The following TTC29 variants were observed in gnomAD, a reference collection of about 807,000 sequenced individuals.
TTC29 encodes the protein tetratricopeptide repeat protein 29.
TTC29 carries 49 observed loss-of-function variants against 58.1 expected under a neutral mutation model. That is an observed-to-expected ratio of 0.84 (90% CI 0.67 to 1.07). The LOEUF (loss-of-function observed/expected upper bound fraction) is 1.07, where lower values mean the gene tolerates loss of function less well. Among genes scored for constraint, TTC29 ranks in the 50% least tolerant of loss-of-function variants. The probability of loss-of-function intolerance (pLI) is 0.00; values close to 1 mark genes in which losing one functional copy is unlikely to be tolerated. For synonymous variants in TTC29, 209 were observed against 196.8 expected (o/e 1.06, Z -0.52); for missense variants, 582 against 555.6 (o/e 1.05, Z -0.48).
chr4:146,784,514 T>C (rs997500869), intron 11 of TTC29, among the ~76,000 whole-genome samples: 1 of 151,484 alleles, frequency 6.6e-6, no homozygotes, highest in African/African-American at 2.4e-5. Flanking sequence ...CTTTGGGAGG[T>C]GATTAGATTA....
At chr4:146,820,804 G>A (rs1751761429) in intron 9 of TTC29, among the ~76,000 whole-genome samples, 1 of 152,132 alleles carries the variant, frequency 6.6e-6, no homozygotes, top group South Asian at 2.1e-4. Context: ...AGGCCCAGGT[G>A]GGCGGATCAC....
intron 8 of TTC29, among the ~76,000 whole-genome samples, chr4:146,859,443 G>GA (rs1303845069): frequency 1.3e-5 from 2 of 151,918 alleles, no homozygotes; most frequent in Non-Finnish European, 2.9e-5. Flanking sequence ...TATAGTGTAA[G>GA]AAAATCTAAA....
chr4:146,787,733 A>T (rs1318096473), intron 11 of TTC29, among the ~76,000 whole-genome samples: 2 of 152,128 alleles, frequency 1.3e-5, no homozygotes, highest in Non-Finnish European at 2.9e-5. Flanking sequence ...TATTGATTGG[A>T]GTATAATGTC....
intron 4 of TTC29, among the ~76,000 whole-genome samples, chr4:146,914,185 T>C (rs989223255): frequency 2.6e-5 from 4 of 152,034 alleles, no homozygotes; most frequent in African/African-American, 7.2e-5. Flanking sequence ...AAATCGGCTA[T>C]CTAAAAAAAA....
At chr4:146,750,118 C>T (rs958114524) in intron 11 of TTC29, among the ~76,000 whole-genome samples, 9 of 152,132 alleles carry the variant, frequency 5.9e-5, no homozygotes, top group South Asian at 2.1e-4. Flanking sequence ...CGCCATTCTC[C>T]TGCCTCAGCC....
At chr4:146,734,783 A>C (rs1047342158) in intron 11 of TTC29, among the ~76,000 whole-genome samples, 3 of 152,056 alleles carry the variant, frequency 2.0e-5, no homozygotes, top group African/African-American at 7.2e-5. Flanking sequence ...TCCTGAAACA[A>C]TTGGTGGCAG....
In TTC29 at chr4:146,744,507, A is replaced by G. The variant is rs1292490965; in HGVS notation, c.1331-36956T>C. On this transcript the variant is annotated intron_variant, in intron 11 of 12. Transcript: ENST00000325106. ...CCTCAAATATGGATCTTCCAGGATA[A>G]AAAGAGATTCATTTAGTAAATGCCT... 2.6e-5 allele frequency among the ~76,000 whole-genome samples: 4 copies of G among 152,318 alleles called. No individual in the cohort carries two copies. In the East Asian group the frequency reaches 7.7e-4, roughly 29 times the overall value.
chr4:146,865,204 C>A (rs1730486670), intron 8 of TTC29, among the ~76,000 whole-genome samples: 1 of 152,170 alleles, frequency 6.6e-6, no homozygotes, highest in Non-Finnish European at 1.5e-5. Flanking sequence ...TCCTACACCA[C>A]TAGGAATAGG....
At chr4:146,809,988 C>G (rs1415148549) in intron 10 of TTC29, among the ~76,000 whole-genome samples, 1 of 152,060 alleles carries the variant, frequency 6.6e-6, no homozygotes, top group Non-Finnish European at 1.5e-5. Flanking sequence ...GCACTGTTCA[C>G]AATAGCAAAG....
chr4:146,772,298 G>C (rs1747799081), intron 11 of TTC29, among the ~76,000 whole-genome samples: 1 of 152,020 alleles, frequency 6.6e-6, no homozygotes, highest in African/African-American at 2.4e-5. Flanking sequence ...AATTGCTTTT[G>C]GCATCTCTGT....
chr4:146,925,679 T>TTTC (rs1734886806), intron 4 of TTC29, among the ~76,000 whole-genome samples: 2 of 152,254 alleles, frequency 1.3e-5, no homozygotes, highest in East Asian at 3.9e-4. Flanking sequence ...CAGCAATGCA[T>TTTC]TTCTTTGGCT....
chr4:146,915,798 A>T (rs1203504550), intron 4 of TTC29, among the ~76,000 whole-genome samples: 1 of 151,938 alleles, frequency 6.6e-6, no homozygotes, highest in African/African-American at 2.4e-5. Flanking sequence ...AAACTGAATT[A>T]TGGAATCAAG....
At position 146,912,631 on chromosome 4, in the gene TTC29, T is replaced by A. The variant is rs534188425; in HGVS notation, c.177-3382A>T. 3.3e-5 allele frequency among the ~76,000 whole-genome samples: 5 copies of A among 152,196 alleles called. No homozygotes were observed. In the South Asian group the frequency reaches 8.3e-4, roughly 25 times the overall value. On this transcript the variant is annotated intron_variant, in intron 4 of 12. Coordinates refer to ENST00000325106, the MANE Select transcript of TTC29 (RefSeq NM_031956.4). Reference sequence around the variant, plus strand: ...GAGGATCAAGGCTCAGGGCCAGGAATTAAAATTAAGTTATAAAAAAATAAA... The same window carrying A: ...GAGGATCAAGGCTCAGGGCCAGGAAATAAAATTAAGTTATAAAAAAATAAA...
In TTC29 at chr4:146,807,105, C is replaced by A. The variant is rs534278429; in HGVS notation, c.1102-3420G>T. Among the ~76,000 whole-genome samples, 8 of 152,312 alleles carry A rather than the reference C, an allele frequency of 5.3e-5. No individual in the cohort carries two copies. In the South Asian group the frequency reaches 1.7e-3, roughly 32 times the overall value. On this transcript the variant is annotated intron_variant, in intron 10 of 12. Coordinates refer to ENST00000325106, the MANE Select transcript of TTC29 (RefSeq NM_031956.4). ...AAACTCACTCAAAACTGCACAACTACATGGAAACTGAACAACATGCTCTTG... is the reference window on the plus strand; with the variant it reads ...AAACTCACTCAAAACTGCACAACTAAATGGAAACTGAACAACATGCTCTTG...
chr4:146,820,030 G>A, intron 10 of TTC29, 95 bp downstream of exon 10: 1 of 1,507,070 alleles, frequency 6.6e-7, no homozygotes, highest in Non-Finnish European at 9.1e-7. Flanking sequence ...TATATTGTGG[G>A]AAGACAAGGA....
chr4:146,931,048 T>G (rs886573322), intron 4 of TTC29, among the ~76,000 whole-genome samples: 1 of 152,120 alleles, frequency 6.6e-6, no homozygotes, highest in Non-Finnish European at 1.5e-5. Context: ...CTTGAAATTT[T>G]CTTAAAAAAA....
At chr4:146,755,744 C>A (rs1195152152) in intron 11 of TTC29, among the ~76,000 whole-genome samples, 1 of 151,742 alleles carries the variant, frequency 6.6e-6, no homozygotes, top group African/African-American at 2.4e-5. Context: ...TAGATATACC[C>A]AATAAAATTT....
chr4:146,943,081 T>C (rs1455149281), intron 2 of TTC29: 2 of 152,958 alleles, frequency 1.3e-5, no homozygotes, highest in African/African-American at 4.8e-5. Context: ...ATGATTTTTG[T>C]TAGAAAATGT....
At chr4:146,814,014 T>A (rs1346031040) in intron 10 of TTC29, among the ~76,000 whole-genome samples, 1 of 152,006 alleles carries the variant, frequency 6.6e-6, no homozygotes, top group Admixed American at 6.6e-5. Flanking sequence ...CAAAATGAAA[T>A]AGAAGTCTGA....
Sources: allele counts gnomAD v4.1 joint callset (sites outside exome capture counted in the v4.1 genomes callset), GRCh38; gene constraint gnomAD v4.1.1; transcripts MANE v1.5; gene names NCBI Gene and HGNC (gene_info 2026-07-23, HGNC 2026-07-21).